LRRC7: variants seen among roughly 807,000 people sequenced by gnomAD.
LRRC7 encodes leucine rich repeat containing 7.
A neutral mutation model predicts 175.7 loss-of-function variants in LRRC7; 23 were observed. That is an observed-to-expected ratio of 0.13 (90% CI 0.09 to 0.19). LRRC7 has a LOEUF of 0.19. Among genes scored for constraint, LRRC7 ranks in the 10% least tolerant of loss-of-function variants. The probability of loss-of-function intolerance (pLI) is 1.00; values close to 1 mark genes in which losing one functional copy is unlikely to be tolerated. For missense variants in LRRC7, 1,354 were observed against 1,904.7 expected (o/e 0.71, Z 5.38); for synonymous variants, 685 against 680.9 (o/e 1.01, Z -0.09).
intron 2 of LRRC7, among the ~76,000 whole-genome samples, chr1:69,744,264 C>T (rs1029549949): frequency 4.0e-5 from 6 of 151,810 alleles, no homozygotes; most frequent in Admixed American, 2.6e-4. Context: ...GCAATACACA[C>T]GTATATACAT....
At chr1:69,791,955 A>G (rs1675174427) in intron 3 of LRRC7, 88 bp from the exon 4 acceptor site, 1 of 837,030 alleles carries the variant, frequency 1.2e-6, no homozygotes, top group Admixed American at 2.1e-5. Context: ...TACTACATAT[A>G]TAAACATGGT....
chr1:69,834,669 A>G, intron 5 of LRRC7, 111 bp from the exon 6 acceptor site: 2 of 855,516 alleles, frequency 2.3e-6, no homozygotes, highest in Non-Finnish European at 3.8e-6. Context: ...ACCAAAGGAG[A>G]GTTGAAAAAT....
At chr1:69,601,913 T>A (rs1199289819) in intron 1 of LRRC7, among the ~76,000 whole-genome samples, 1 of 152,168 alleles carries the variant, frequency 6.6e-6, no homozygotes, top group African/African-American at 2.4e-5. Flanking sequence ...TAAGGGTACC[T>A]CCACTGGTTC....
intron 1 of LRRC7, among the ~76,000 whole-genome samples, chr1:69,650,393 A>G (rs1264413): frequency 0.16 from 24,303 of 151,650 alleles, 2,090 homozygotes; most frequent in South Asian, 0.2. Context: ...GAAAAAAATT[A>G]GCCGGGCGTG....
At chr1:69,686,978 C>T (rs777774645) in intron 2 of LRRC7, among the ~76,000 whole-genome samples, 19 of 152,034 alleles carry the variant, frequency 1.2e-4, no homozygotes, top group Non-Finnish European at 2.4e-4. Context: ...ATAAAGGTAA[C>T]TTCAAAGCAA....
At chr1:69,980,786 T>A (rs114047632) in intron 9 of LRRC7, among the ~76,000 whole-genome samples, 2,734 of 152,270 alleles carry the variant, frequency 0.018, 84 homozygotes, top group African/African-American at 0.063. Context: ...TAATACCAAG[T>A]TTTATTTTTA....
intron 7 of LRRC7, among the ~76,000 whole-genome samples, chr1:69,898,826 G>T (rs943963220): frequency 6.6e-6 from 1 of 152,132 alleles, no homozygotes; most frequent in Non-Finnish European, 1.5e-5. Flanking sequence ...CCAAATATCT[G>T]GTTTCTAAGA....
At chr1:69,995,536 A>G (rs1336460083) in intron 11 of LRRC7, among the ~76,000 whole-genome samples, 1 of 150,794 alleles carries the variant, frequency 6.6e-6, no homozygotes, top group Non-Finnish European at 1.5e-5. Flanking sequence ...TATATCTCCC[A>G]ATGCTATCCC....
At chr1:69,906,204 T>C (rs1646304109) in intron 7 of LRRC7, among the ~76,000 whole-genome samples, 1 of 152,204 alleles carries the variant, frequency 6.6e-6, no homozygotes, top group Non-Finnish European at 1.5e-5. Flanking sequence ...TCCCATTTTG[T>C]GGGTTGCCTG....
intron 26 of LRRC7, among the ~76,000 whole-genome samples, chr1:70,116,715 G>T (rs1173920519): frequency 1.3e-5 from 2 of 151,996 alleles, no homozygotes; most frequent in African/African-American, 4.8e-5. Flanking sequence ...TATAATTCAG[G>T]TTTTTGATAG....
At chr1:69,838,729 G>A (rs755331845) in intron 7 of LRRC7, among the ~76,000 whole-genome samples, 31 of 151,856 alleles carry the variant, frequency 2.0e-4, no homozygotes, top group African/African-American at 3.4e-4. Flanking sequence ...TCAAGAGATC[G>A]TAAAGTGGTT....
At chr1:69,783,483 G>A (rs1006338291) in intron 3 of LRRC7, among the ~76,000 whole-genome samples, 2 of 152,042 alleles carry the variant, frequency 1.3e-5, no homozygotes, top group African/African-American at 4.8e-5. Flanking sequence ...GAGGCCGGGC[G>A]CAGTGGCTCA....
intron 4 of LRRC7, among the ~76,000 whole-genome samples, chr1:69,816,137 C>A (rs1427523841): frequency 6.6e-6 from 1 of 151,934 alleles, no homozygotes; most frequent in Non-Finnish European, 1.5e-5. Flanking sequence ...GCCCTCACAC[C>A]CAGCTCATTT....
At chr1:69,984,960 T>C (rs1333978907) in intron 9 of LRRC7, among the ~76,000 whole-genome samples, 1 of 152,180 alleles carries the variant, frequency 6.6e-6, no homozygotes, top group Non-Finnish European at 1.5e-5. Context: ...AATTTCCCAC[T>C]CTTCCTCAAA....
At chr1:70,061,369 A>C (rs1226895615) in intron 23 of LRRC7, among the ~76,000 whole-genome samples, 1 of 151,844 alleles carries the variant, frequency 6.6e-6, no homozygotes, top group Non-Finnish European at 1.5e-5. Context: ...TTGTTCCCCT[A>C]CCCTCCTTTT....
At chr1:70,090,998 A>C (rs947706985) in intron 25 of LRRC7, among the ~76,000 whole-genome samples, 42 of 152,264 alleles carry the variant, frequency 2.8e-4, no homozygotes, top group Middle Eastern at 3.4e-3. Flanking sequence ...AATTGGTCGC[A>C]TGATTATATA....
At chr1:70,014,493 C>T (rs1023180790) in intron 13 of LRRC7, among the ~76,000 whole-genome samples, 9 of 151,850 alleles carry the variant, frequency 5.9e-5, no homozygotes, top group Admixed American at 3.3e-4. Flanking sequence ...GAAATATAAG[C>T]TTAAGTTATG....
At chr1:69,917,226 G>C (rs1009305787) in intron 7 of LRRC7, among the ~76,000 whole-genome samples, 2 of 152,142 alleles carry the variant, frequency 1.3e-5, no homozygotes, top group African/African-American at 4.8e-5. Context: ...ATTACTGATG[G>C]AGAATGTGTG....
intron 1 of LRRC7, among the ~76,000 whole-genome samples, chr1:69,569,273 G>A (rs947829453): frequency 6.6e-6 from 1 of 152,078 alleles, no homozygotes; most frequent in Non-Finnish European, 1.5e-5. Context: ...AAAGAAGTGG[G>A]GGAGCGTGTT....
Sources: gnomAD v4.1 joint callset for allele counts (sites outside exome capture counted in the v4.1 genomes callset) on GRCh38, gnomAD v4.1.1 for gene constraint, MANE v1.5 for transcripts, NCBI Gene and HGNC (gene_info 2026-07-23, HGNC 2026-07-21) for gene names.